RNF130: variants seen among roughly 807,000 people sequenced by gnomAD.
The protein encoded by RNF130 is ring finger protein 130.
In RNF130, 21 loss-of-function variants were observed where a neutral mutation model predicts 44.6. That is an observed-to-expected ratio of 0.47 (90% CI 0.33 to 0.68). RNF130 has a LOEUF of 0.68. Ranked by LOEUF, RNF130 falls within the 30% of genes least tolerant of loss-of-function variation. The pLI, the probability that RNF130 is intolerant of heterozygous loss-of-function variation, is 0.02. For synonymous variants in RNF130, 214 were observed against 210.4 expected (o/e 1.02, Z -0.15); for missense variants, 479 against 560.6 (o/e 0.85, Z 1.47).
At chr5:179,975,021 G>A (rs1390888670) in intron 5 of RNF130, among the ~76,000 whole-genome samples, 1 of 152,256 alleles carries the variant, frequency 6.6e-6, no homozygotes, top group African/African-American at 2.4e-5. Context: ...ACACCTGCAG[G>A]TGCTGCTGTG....
chr5:179,989,396 G>A (rs187396629), intron 3 of RNF130, among the ~76,000 whole-genome samples: 3 of 152,250 alleles, frequency 2.0e-5, no homozygotes, highest in Middle Eastern at 3.4e-3. Context: ...ATCCCTTGAG[G>A]CCTAGTAATA....
intron 6 of RNF130, among the ~76,000 whole-genome samples, chr5:179,968,224 G>A (rs1025826797): frequency 2.6e-5 from 4 of 152,124 alleles, no homozygotes; most frequent in South Asian, 2.1e-4. Flanking sequence ...GAACCCAGGA[G>A]GCGGAGCTTG....
chr5:179,959,393 C>T (rs1050576364), intron 8 of RNF130, among the ~76,000 whole-genome samples: 1 of 151,764 alleles, frequency 6.6e-6, no homozygotes, highest in Non-Finnish European at 1.5e-5. Flanking sequence ...TTTGGGAGGC[C>T]GAGACAGGTG....
intron 7 of RNF130, among the ~76,000 whole-genome samples, chr5:179,938,055 C>G: frequency 6.6e-6 from 1 of 151,976 alleles, no homozygotes; most frequent in Non-Finnish European, 1.5e-5. Context: ...CTCCCGGGCT[C>G]AAGTGATCCT....
intron 3 of RNF130, among the ~76,000 whole-genome samples, chr5:179,981,322 C>T (rs1762831964): frequency 6.6e-6 from 1 of 152,208 alleles, no homozygotes; most frequent in Non-Finnish European, 1.5e-5. Flanking sequence ...ACTCTAGACA[C>T]ATCCAGGCCT....
intron 5 of RNF130, among the ~76,000 whole-genome samples, chr5:179,975,637 G>C (rs972237335): frequency 6.6e-6 from 1 of 152,174 alleles, no homozygotes; most frequent in African/African-American, 2.4e-5. Flanking sequence ...TGGAGTGTAA[G>C]AGGAACAAAC....
chr5:179,970,373 T>C, intron 6 of RNF130, 37 bp downstream of exon 6: 1 of 1,458,080 alleles, frequency 6.9e-7, no homozygotes. Flanking sequence ...CATATAATAA[T>C]ATACAAAAGT....
chr5:179,922,882 C>T (rs1169590523), intron 7 of RNF130, among the ~76,000 whole-genome samples: 7 of 131,076 alleles, frequency 5.3e-5, no homozygotes, highest in Admixed American at 1.5e-4. Flanking sequence ...TGCAGTGAGC[C>T]GAGACTACAC....
intron 1 of RNF130, among the ~76,000 whole-genome samples, chr5:180,050,310 G>C (rs1016305391): frequency 6.6e-6 from 1 of 152,182 alleles, no homozygotes; most frequent in Non-Finnish European, 1.5e-5. Flanking sequence ...GCGCCCACAA[G>C]AGTCAAAGGT....
chr5:180,022,624 G>A lies in RNF130; in HGVS notation c.443-9313C>T, dbSNP rs565589098. The stretch of plus-strand genomic sequence containing the variant: ...AGCCACGGCACACATCAATGTACAC[G>A]GAGCTCACGTGACTGAAGGTTCCCA... On this transcript the variant is annotated intron_variant, in intron 2 of 8. Coordinates refer to ENST00000521389, the MANE Select transcript of RNF130 (RefSeq NM_018434.6). Among the ~76,000 whole-genome samples, 124 of 152,214 alleles carry A rather than the reference G, an allele frequency of 8.1e-4. 2 individuals are homozygous for A. Among genetic ancestry groups the A allele is most frequent in the Middle Eastern group, 3.4e-3 (1 of 294 alleles).
At chr5:179,970,614 GA>G in intron 5 of RNF130, 108 bp from the exon 6 acceptor site, 1 of 799,518 alleles carries the variant, frequency 1.3e-6, no homozygotes, top group Admixed American at 2.8e-5. Context: ...CCCCTTTCAG[GA>G]CATATTTTAA....
rs1762737948 is a variant in RNF130 at position 179,977,408 on chromosome 5, G to A, written c.848+795C>T. 1 of 152,204 alleles carries A rather than the reference G, an allele frequency of 6.6e-6. No individual in the cohort carries two copies. The highest frequency in any genetic ancestry group is 2.4e-5 in the African/African-American group (1 of 41,426). The allele number at this position is 152,204 out of a possible 1,614,324, so 9.4% of individuals were successfully genotyped here. On this transcript the variant is annotated intron_variant, in intron 5 of 8. Transcript: ENST00000521389. This position sits in a 1 kb window ranked among gnomAD's most constrained non-coding sequence, Gnocchi z 4.1. ...AGTCTAAGATGGAGAGGAACAAGGG[G>A]CTGTTTTTGAAACCCACAGGAATCA...
At chr5:180,059,670 A>C (rs115594098) in intron 1 of RNF130, among the ~76,000 whole-genome samples, 71 of 152,312 alleles carry the variant, frequency 4.7e-4, no homozygotes, top group Non-Finnish European at 8.4e-4. Flanking sequence ...CACTGATACG[A>C]AACAATGAAG....
intron 3 of RNF130, among the ~76,000 whole-genome samples, chr5:180,011,871 C>T (rs1763603368): frequency 6.6e-6 from 1 of 152,036 alleles, no homozygotes. Flanking sequence ...ATACTTGCCA[C>T]TTATCTTACA....
chr5:179,997,448 C>T (rs557187832), intron 3 of RNF130, among the ~76,000 whole-genome samples: 135 of 152,234 alleles, frequency 8.9e-4, no homozygotes, highest in African/African-American at 3.0e-3. Context: ...CTCAGCCTCC[C>T]GAGTAGCTGG....
chr5:179,970,380 A>C (rs771001842), intron 6 of RNF130, 30 bp downstream of exon 6: 1 of 1,509,864 alleles, frequency 6.6e-7, no homozygotes, highest in East Asian at 2.3e-5. Flanking sequence ...TAATATACAA[A>C]AGTGGTAACA....
intron 2 of RNF130, among the ~76,000 whole-genome samples, chr5:180,014,899 T>C (rs1385782570): frequency 1.3e-5 from 2 of 152,060 alleles, no homozygotes; most frequent in African/African-American, 2.4e-5. Context: ...GGTGGGAGGA[T>C]CACTGGAGTC....
chr5:179,999,955 T>A (rs1414502337), intron 3 of RNF130, among the ~76,000 whole-genome samples: 2 of 152,182 alleles, frequency 1.3e-5, no homozygotes, highest in East Asian at 3.9e-4. Flanking sequence ...TGTTTATCAT[T>A]AAGGTTTGGC....
chr5:179,963,600 G>A, intron 7 of RNF130, 36 bp from the exon 8 acceptor site: 1 of 1,467,190 alleles, frequency 6.8e-7, no homozygotes. Context: ...TCACTCTGGG[G>A]AGAAGGTTTA....
Sources: allele counts gnomAD v4.1 joint callset (sites outside exome capture counted in the v4.1 genomes callset), GRCh38; gene constraint gnomAD v4.1.1; non-coding constraint Gnocchi (gnomAD v3.1); transcripts MANE v1.5; gene names NCBI Gene and HGNC (gene_info 2026-07-23, HGNC 2026-07-21).